DNAJC5B: variants seen among roughly 807,000 people sequenced by gnomAD.
DNAJC5B encodes dnaJ homolog subfamily C member 5B.
DNAJC5B carries 23 observed loss-of-function variants against 24.7 expected under a neutral mutation model. The ratio of observed to expected loss-of-function variants is 0.93; its 90% CI spans 0.67 to 1.32. The LOEUF (loss-of-function observed/expected upper bound fraction) is 1.32. Ranked by LOEUF, DNAJC5B falls within the 40% of genes most tolerant of loss-of-function variation. DNAJC5B has a pLI of 0.00. For synonymous variants in DNAJC5B, 101 were observed against 90.1 expected (o/e 1.12, Z -0.68); for missense variants, 238 against 240.8 (o/e 0.99, Z 0.08).
Position 66,078,521 on chromosome 8 carries a change from C to T in DNAJC5B, c.333+1648C>T, listed in dbSNP as rs113999408. Among the ~76,000 whole-genome samples, 1,257 of 151,870 alleles carry T rather than the reference C, an allele frequency of 8.3e-3. 16 individuals carry two copies. Among genetic ancestry groups the T allele is most frequent in the African/African-American group, 0.028 (1,177 of 41,410 alleles). ...CAAACAATCAAGTTGGAATAAAGAACAAAACATTATATGAATGAAAAGAAA... is the reference window on the plus strand; with the variant it reads ...CAAACAATCAAGTTGGAATAAAGAATAAAACATTATATGAATGAAAAGAAA... On this transcript the variant is annotated intron_variant, in intron 4 of 5. Transcript: ENST00000276570.
chr8:66,079,925 G>A (rs1807554137), intron 4 of DNAJC5B, among the ~76,000 whole-genome samples: 1 of 152,142 alleles, frequency 6.6e-6, no homozygotes, highest in Non-Finnish European at 1.5e-5. Flanking sequence ...CAGCAGGAAT[G>A]TGAGTGTAGG....
intron 5 of DNAJC5B, among the ~76,000 whole-genome samples, chr8:66,082,285 C>A (rs1265245133): frequency 6.6e-6 from 1 of 151,842 alleles, no homozygotes; most frequent in Non-Finnish European, 1.5e-5. Flanking sequence ...AGTGGGAAAA[C>A]CAAACCTAGG....
At chr8:66,036,745 A>T (rs1346232931) in intron 1 of DNAJC5B, among the ~76,000 whole-genome samples, 1 of 151,880 alleles carries the variant, frequency 6.6e-6, no homozygotes, top group Non-Finnish European at 1.5e-5. Context: ...TGGTACCCAA[A>T]TTTTTTTTTC....
intron 3 of DNAJC5B, among the ~76,000 whole-genome samples, chr8:66,065,912 C>T (rs1251393523): frequency 6.6e-6 from 1 of 152,068 alleles, no homozygotes; most frequent in Non-Finnish European, 1.5e-5. Context: ...AGTCAGAGAG[C>T]TCCAAAGAAC....
At chr8:66,089,611 C>CT (rs1807802273) in intron 5 of DNAJC5B, among the ~76,000 whole-genome samples, 1 of 152,140 alleles carries the variant, frequency 6.6e-6, no homozygotes, top group Non-Finnish European at 1.5e-5. Context: ...CTCCTTGACT[C>CT]TAGCTAAAGT....
intron 1 of DNAJC5B, among the ~76,000 whole-genome samples, chr8:66,042,801 G>C (rs998732783): frequency 6.8e-6 from 1 of 147,904 alleles, no homozygotes; most frequent in East Asian, 2.0e-4. Flanking sequence ...AAATCCGAAG[G>C]TATCTAAAAA....
Position 66,100,742 on chromosome 8 carries a change from C to T in DNAJC5B, c.*711C>T, listed in dbSNP as rs75391714. On this transcript the variant is annotated 3_prime_UTR_variant, in exon 6 of 6. Transcript: ENST00000276570. ...GAACCCGCCCCATCAGCATGTTGAT[C>T]ATTTTCTAGTAAAATAATTTTTGTA... Among the ~76,000 whole-genome samples the T allele has an allele frequency of 0.032, 4,943 of 152,176 alleles. 119 individuals are homozygous for T. Among genetic ancestry groups the T allele is most frequent in the Middle Eastern group, 0.075 (22 of 294 alleles).
At chr8:66,060,128 A>G (rs1807048819) in intron 3 of DNAJC5B, among the ~76,000 whole-genome samples, 1 of 152,096 alleles carries the variant, frequency 6.6e-6, no homozygotes, top group Admixed American at 6.5e-5. Context: ...TTTTCCTTGT[A>G]GCTCTGTTTT....
At chr8:66,033,954 G>A (rs904391216) in intron 1 of DNAJC5B, among the ~76,000 whole-genome samples, 1 of 152,056 alleles carries the variant, frequency 6.6e-6, no homozygotes, top group South Asian at 2.1e-4. Context: ...TCACTGCAAC[G>A]CTTGACCTGG....
chr8:66,074,991 G>A (rs142545674), intron 3 of DNAJC5B, among the ~76,000 whole-genome samples: 12 of 152,294 alleles, frequency 7.9e-5, no homozygotes, highest in Middle Eastern at 3.4e-3. Context: ...GATCCAAGCT[G>A]TTTAAAAAAT....
intron 3 of DNAJC5B, among the ~76,000 whole-genome samples, chr8:66,052,199 C>A (rs540722800): frequency 2.6e-5 from 4 of 151,268 alleles, no homozygotes; most frequent in Non-Finnish European, 5.9e-5. Flanking sequence ...CTCAGGCAAT[C>A]TGCCCACCTC....
chr8:66,060,488 G>A (rs1807057951), intron 3 of DNAJC5B, among the ~76,000 whole-genome samples: 1 of 152,208 alleles, frequency 6.6e-6, no homozygotes, highest in African/African-American at 2.4e-5. Flanking sequence ...ACCCCGTGCA[G>A]TGAACAATGG....
Position 66,100,013 on chromosome 8 carries a change from T to A in DNAJC5B, c.582T>A (p.Ser194Arg). The A allele has an allele frequency of 6.2e-7, 1 of 1,613,960 alleles. No homozygotes were observed. Among genetic ancestry groups the A allele is most frequent in the South Asian group, 1.1e-5 (1 of 91,064 alleles). ...KTQLIKEGSRSYCTDS is the reference protein window; with the variant it reads ...KTQLIKEGSRRYCTDS The stretch of plus-strand genomic sequence containing the variant: ...AGCTAATCAAAGAAGGATCTCGAAG[T>A]TATTGCACAGACTCTTGATATTGAG... The change falls in exon 6 of 6, where the codon AGT (serine) becomes AGA (arginine). Residue 194 changes from serine (S) to arginine (R), a missense_variant. Physicochemically the swap from Ser to Arg is moderately radical, Grantham distance 110. Coordinates refer to ENST00000276570, the MANE Select transcript of DNAJC5B (RefSeq NM_033105.6).
rs932313888 is a variant in DNAJC5B, at chr8:66,040,363, T to C, written c.-141-3125T>C. Reference sequence around the variant, plus strand: ...CAAGATCGTGCCACTGCACTCCAGCTTGGCAACAGAGTGAGACTCCATTTA... The same window carrying C: ...CAAGATCGTGCCACTGCACTCCAGCCTGGCAACAGAGTGAGACTCCATTTA... On this transcript the variant is annotated intron_variant, in intron 1 of 5. Transcript: ENST00000276570. Among the ~76,000 whole-genome samples the C allele has an allele frequency of 2.0e-5, 3 of 151,192 alleles. No individual in the cohort carries two copies. In the East Asian group the frequency reaches 5.8e-4, roughly 29 times the overall value.
At chr8:66,043,947 C>T (rs1012854291) in intron 2 of DNAJC5B, among the ~76,000 whole-genome samples, 1 of 151,782 alleles carries the variant, frequency 6.6e-6, no homozygotes. Context: ...CTGCCTCAGC[C>T]TCCTGAGTTG....
intron 2 of DNAJC5B, among the ~76,000 whole-genome samples, chr8:66,050,929 A>G (rs1372892580): frequency 2.0e-5 from 3 of 152,228 alleles, no homozygotes; most frequent in African/African-American, 4.8e-5. Context: ...GCTAATTAGC[A>G]TACACAGTAG....
At chr8:66,023,594 T>G (rs1806189478) in intron 1 of DNAJC5B, among the ~76,000 whole-genome samples, 1 of 152,240 alleles carries the variant, frequency 6.6e-6, no homozygotes, top group African/African-American at 2.4e-5. Context: ...TGTCTTTTCC[T>G]GTTTAGGTAG....
intron 1 of DNAJC5B, among the ~76,000 whole-genome samples, chr8:66,034,388 C>T (rs1806434182): frequency 6.6e-6 from 1 of 151,880 alleles, no homozygotes; most frequent in African/African-American, 2.4e-5. Context: ...ACATACAGTC[C>T]AATGTTGGCT....
At chr8:66,088,937 C>T (rs989523545) in intron 5 of DNAJC5B, among the ~76,000 whole-genome samples, 1 of 152,200 alleles carries the variant, frequency 6.6e-6, no homozygotes, top group African/African-American at 2.4e-5. Context: ...CAACCTCTGA[C>T]TGTTACCCAG....
Sources: gnomAD v4.1 joint callset for allele counts (sites outside exome capture counted in the v4.1 genomes callset) on GRCh38, gnomAD v4.1.1 for gene constraint, MANE v1.5 for transcripts, NCBI Gene and HGNC (gene_info 2026-07-23, HGNC 2026-07-21) for gene names.